GATAD2B: variants seen among roughly 807,000 people sequenced by gnomAD.
GATAD2B encodes transcriptional repressor p66-beta.
GATAD2B carries 8 observed loss-of-function variants against 64.3 expected under a neutral mutation model. That is an observed-to-expected ratio of 0.12 (90% CI 0.07 to 0.22). The LOEUF (loss-of-function observed/expected upper bound fraction) is 0.22, where lower values mean the gene tolerates loss of function less well. GATAD2B is among the 10% of genes least tolerant of loss of function. The probability of loss-of-function intolerance (pLI) is 1.00; values close to 1 mark genes in which losing one functional copy is unlikely to be tolerated. For missense variants in GATAD2B, 453 were observed against 752.0 expected (o/e 0.60, Z 4.65); for synonymous variants, 281 against 271.3 (o/e 1.04, Z -0.35).
chr1:153,873,167 C>T (rs1676723037), intron 1 of GATAD2B, among the ~76,000 whole-genome samples: 1 of 152,150 alleles, frequency 6.6e-6, no homozygotes, highest in African/African-American at 2.4e-5. Flanking sequence ...ATCTCACAGA[C>T]TCCATGAAAG....
intron 1 of GATAD2B, among the ~76,000 whole-genome samples, chr1:153,842,738 C>T (rs932186909): frequency 2.0e-5 from 3 of 150,912 alleles, no homozygotes; most frequent in Non-Finnish European, 3.0e-5. Flanking sequence ...CTGCAGCCTC[C>T]GCCTCCCGGG....
In GATAD2B at chr1:153,817,507, G is replaced by A. The variant is rs775920034; in HGVS notation, c.765C>T (p.Thr255=). 5 of 1,607,590 alleles carry A rather than the reference G, an allele frequency of 3.1e-6. No individual in the cohort carries two copies. Among genetic ancestry groups the A allele is most frequent in the Non-Finnish European group, 2.5e-6 (3 of 1,177,840 alleles). Reference sequence around the variant, plus strand: ...GTTGAGACATCAACATGTGTGGAAGGGTGGTATTGGTAGCTGAACGGATGA... The same window carrying A: ...GTTGAGACATCAACATGTGTGGAAGAGTGGTATTGGTAGCTGAACGGATGA... The part of the protein sequence containing the change: ...HSVIRSATNT[T]LPHMLMSQRV... The change falls in exon 6 of 11, where the codon ACC becomes ACT. Residue 255 remains threonine, a synonymous_variant. Transcript: ENST00000368655.
chr1:153,811,511 G>A (rs763362074), intron 10 of GATAD2B: 5 of 605,678 alleles, frequency 8.3e-6, no homozygotes, highest in Non-Finnish European at 1.4e-5. Flanking sequence ...ATTGATAATG[G>A]TAGGATCTGG....
intron 1 of GATAD2B, among the ~76,000 whole-genome samples, chr1:153,863,284 C>T (rs1676375128): frequency 6.6e-6 from 1 of 151,952 alleles, no homozygotes; most frequent in South Asian, 2.1e-4. Context: ...AGTTCAAGAC[C>T]AGCCTGGCAA....
At chr1:153,887,395 A>C (rs1677216586) in intron 1 of GATAD2B, among the ~76,000 whole-genome samples, 1 of 152,234 alleles carries the variant, frequency 6.6e-6, no homozygotes, top group African/African-American at 2.4e-5. Context: ...TTACCAATCA[A>C]TGACTGATTG....
intron 1 of GATAD2B, among the ~76,000 whole-genome samples, chr1:153,911,451 C>T (rs940241705): frequency 6.6e-6 from 1 of 152,082 alleles, no homozygotes; most frequent in Admixed American, 6.6e-5. Context: ...GCACAACTTC[C>T]GGGCCAAGTG....
At chr1:153,892,163 C>CAAAAA (rs900308080) in intron 1 of GATAD2B, among the ~76,000 whole-genome samples, 2,189 of 40,924 alleles carry the variant, frequency 0.053, no homozygotes, top group Non-Finnish European at 0.075. Flanking sequence ...GACTCCGTCT[C>CAAAAA]AAAAAAAAAA....
At chr1:153,826,228 C>A (rs952667471) in intron 2 of GATAD2B, among the ~76,000 whole-genome samples, 3 of 152,008 alleles carry the variant, frequency 2.0e-5, no homozygotes, top group Non-Finnish European at 4.4e-5. Context: ...TGGTCTCGAT[C>A]TCCTGACCTC....
intron 1 of GATAD2B, chr1:153,853,363 A>G: frequency 1.4e-6 from 1 of 692,046 alleles, no homozygotes; most frequent in Non-Finnish European, 2.7e-6. Context: ...GGGCAGGTTG[A>G]CCACCCGAGT....
At chr1:153,905,712 G>C (rs1489507169) in intron 1 of GATAD2B, among the ~76,000 whole-genome samples, 4 of 149,092 alleles carry the variant, frequency 2.7e-5, no homozygotes, top group Non-Finnish European at 4.5e-5. Context: ...CAGGAAAACT[G>C]CTTGAGCCCA....
Position 153,811,851 on chromosome 1 carries a change from G to A in GATAD2B, c.1531-3C>T. 1.3e-6 allele frequency: 2 copies of A among 1,576,150 alleles called. No individual in the cohort carries two copies. Among genetic ancestry groups the A allele is most frequent in the Admixed American group, 1.7e-5 (1 of 57,514 alleles). ...AGGCTGCTCTGGGGCTGTGGAGCCTGCAATGATGAGGAGACAGTGGATACA... is the reference window on the plus strand; with the variant it reads ...AGGCTGCTCTGGGGCTGTGGAGCCTACAATGATGAGGAGACAGTGGATACA... On this transcript the variant is annotated splice_region_variant and splice_polypyrimidine_tract_variant and intron_variant, in intron 9 of 10. Coordinates refer to ENST00000368655, the MANE Select transcript of GATAD2B (RefSeq NM_020699.4).
chr1:153,808,049 A>G lies in GATAD2B; in HGVS notation c.*2128T>C, dbSNP rs1674162301. ...GCACAGAGGGCAAAGAAAAGATGTA[A>G]GAATATATCTTTATATATATATATA... On this transcript the variant is annotated 3_prime_UTR_variant, in exon 11 of 11. Transcript: ENST00000368655. The G allele has an allele frequency of 6.6e-6, 1 of 152,128 alleles. No homozygotes were observed. Among genetic ancestry groups the G allele is most frequent in the South Asian group, 2.1e-4 (1 of 4,836 alleles). 9.4% of individuals were successfully genotyped at this position (152,128 alleles called of 1,614,324 possible). A position where few individuals can be genotyped will look rare whatever the true frequency, so the allele number is the denominator to read the frequency against.
At chr1:153,908,108 T>A (rs1167213095) in intron 1 of GATAD2B, among the ~76,000 whole-genome samples, 1 of 152,142 alleles carries the variant, frequency 6.6e-6, no homozygotes, top group Non-Finnish European at 1.5e-5. Flanking sequence ...CAGCCTAAGA[T>A]GGTAAATTTT....
chr1:153,847,747 A>G (rs1358781309), intron 1 of GATAD2B, among the ~76,000 whole-genome samples: 5 of 152,106 alleles, frequency 3.3e-5, no homozygotes, highest in African/African-American at 4.8e-5. Context: ...CCTATGAGAT[A>G]TATCTTGGAC....
chr1:153,809,863 G>A lies in GATAD2B; in HGVS notation c.*314C>T, dbSNP rs765649152. 8 of 231,146 alleles carry A rather than the reference G, an allele frequency of 3.5e-5. 1 individual carries two copies. Among genetic ancestry groups the A allele is most frequent in the Non-Finnish European group, 5.9e-5 (7 of 119,650 alleles). The allele number at this position is 231,146 out of a possible 1,614,324, so 14.3% of individuals were successfully genotyped here. Reference sequence around the variant, plus strand: ...TAAAACAACTTTAGAAACACACATCGGAGGGCTTAGATTCTCCCCAGGACC... The same window carrying A: ...TAAAACAACTTTAGAAACACACATCAGAGGGCTTAGATTCTCCCCAGGACC... On this transcript the variant is annotated 3_prime_UTR_variant, in exon 11 of 11. Coordinates refer to ENST00000368655, the MANE Select transcript of GATAD2B (RefSeq NM_020699.4).
rs1024068139 is a variant in GATAD2B, at chr1:153,874,600, G to A, written c.-1-46252C>T. ...TTTTTGTTGTTTTTGTTTTTGAGAC[G>A]GAGTTTCCCTCTGTCACCCAGGCTG... On this transcript the variant is annotated intron_variant, in intron 1 of 10. Coordinates refer to ENST00000368655, the MANE Select transcript of GATAD2B (RefSeq NM_020699.4). Among the ~76,000 whole-genome samples the A allele has an allele frequency of 1.6e-4, 24 of 151,688 alleles. 1 individual carries two copies. Among genetic ancestry groups the A allele is most frequent in the Admixed American group, 9.2e-4 (14 of 15,202 alleles).
intron 1 of GATAD2B, among the ~76,000 whole-genome samples, chr1:153,912,458 C>A (rs1409786794): frequency 6.6e-6 from 1 of 152,136 alleles, no homozygotes; most frequent in East Asian, 1.9e-4. Context: ...TATGCATGGA[C>A]ACTTATTAAA....
chr1:153,813,652 C>T (rs1196736821), intron 7 of GATAD2B, among the ~76,000 whole-genome samples, 200 bp from the exon 8 acceptor site: 1 of 152,206 alleles, frequency 6.6e-6, no homozygotes, highest in African/African-American at 2.4e-5. Flanking sequence ...ACAGTACCAT[C>T]CTCATTTACA....
intron 1 of GATAD2B, among the ~76,000 whole-genome samples, chr1:153,850,793 C>T (rs1570958194): frequency 2.0e-5 from 3 of 151,858 alleles, no homozygotes; most frequent in Admixed American, 6.6e-5. Context: ...TGGTGGTGTG[C>T]GCCTATAATC....
Sources: allele counts gnomAD v4.1 joint callset (sites outside exome capture counted in the v4.1 genomes callset), GRCh38; gene constraint gnomAD v4.1.1; transcripts MANE v1.5; gene names NCBI Gene and HGNC (gene_info 2026-07-23, HGNC 2026-07-21).